Variants in DNAH6 observed in about 807,000 individuals in gnomAD.
DNAH6 encodes dynein axonemal heavy chain 6.
DNAH6 carries 340 observed loss-of-function variants against 491.4 expected under a neutral mutation model. The ratio of observed to expected loss-of-function variants is 0.69; its 90% CI spans 0.63 to 0.76. DNAH6 has a LOEUF of 0.76. DNAH6 is among the 30% of genes least tolerant of loss of function. DNAH6 has a pLI of 0.00. For missense variants in DNAH6, 4,443 were observed against 4,972.2 expected (o/e 0.89, Z 3.20); for synonymous variants, 1,603 against 1,686.1 (o/e 0.95, Z 1.21).
At chr2:84,589,661 A>G (rs546381757) in intron 16 of DNAH6, among the ~76,000 whole-genome samples, 165 of 150,606 alleles carry the variant, frequency 1.1e-3, no homozygotes, top group Non-Finnish European at 1.5e-3. Context: ...GCGGTGAGCC[A>G]AGATCGTGAC....
At chr2:84,743,868 C>A (rs1330781801) in intron 62 of DNAH6, among the ~76,000 whole-genome samples, 1 of 152,140 alleles carries the variant, frequency 6.6e-6, no homozygotes, top group Non-Finnish European at 1.5e-5. Flanking sequence ...TCTTCTAATG[C>A]ATATTTTATA....
At chr2:84,511,231 C>T in the DNAH6 span, among the ~76,000 whole-genome samples, 1 of 152,196 alleles carries the variant, frequency 6.6e-6, no homozygotes, top group African/African-American at 2.4e-5. Context: ...CCAGTTCGAG[C>T]TTCCTGGCTG....
At position 84,762,622 on chromosome 2, in the gene DNAH6, A is replaced by G. The variant is rs928104497; in HGVS notation, c.10513-133A>G. 7 of 626,156 alleles carry G rather than the reference A, an allele frequency of 1.1e-5. No individual in the cohort carries two copies. The South Asian group carries it at 1.4e-4, about 13-fold the overall frequency. The allele number at this position is 626,156 out of a possible 1,614,324, so 38.8% of individuals were successfully genotyped here. A position where few individuals can be genotyped will look rare whatever the true frequency, so the allele number is the denominator to read the frequency against. ...TCCACCAAACAATATCTATAAAAAG[A>G]TGTATACCCAATCAAGACAGAATAA... On this transcript the variant is annotated intron_variant, in intron 63 of 76. Coordinates refer to ENST00000389394, the MANE Select transcript of DNAH6 (RefSeq NM_001370.2).
chr2:84,547,483 A>G lies in DNAH6; in HGVS notation c.1066-9A>G. 6 of 1,551,594 alleles carry G rather than the reference A, an allele frequency of 3.9e-6. No homozygotes were observed. Among genetic ancestry groups the G allele is most frequent in the Non-Finnish European group, 4.4e-6 (5 of 1,146,902 alleles). The stretch of plus-strand genomic sequence containing the variant: ...GTATCACTAACTGTACATATTCAAC[A>G]ATATCTAGGTGACAGAACGCCTAGG... On this transcript the variant is annotated splice_polypyrimidine_tract_variant and intron_variant, in intron 6 of 76. Coordinates refer to ENST00000389394, the MANE Select transcript of DNAH6 (RefSeq NM_001370.2).
At chr2:84,801,968 T>C (rs973684550) in intron 70 of DNAH6, among the ~76,000 whole-genome samples, 3 of 151,648 alleles carry the variant, frequency 2.0e-5, no homozygotes, top group Non-Finnish European at 4.4e-5. Context: ...CTAAGCCTTA[T>C]AAACAAAAAA....
chr2:84,619,566 T>C, intron 23 of DNAH6, 119 bp from the exon 24 acceptor site: 3 of 857,896 alleles, frequency 3.5e-6, no homozygotes, highest in Non-Finnish European at 5.4e-6. Context: ...ACCAGTATAA[T>C]TGGAGGTCCA....
At chr2:84,780,432 A>T (rs890664415) in intron 64 of DNAH6, among the ~76,000 whole-genome samples, 3 of 152,134 alleles carry the variant, frequency 2.0e-5, no homozygotes, top group African/African-American at 7.2e-5. Context: ...TATGTTGTTA[A>T]TGCTTCCAAT....
Position 84,548,422 on chromosome 2 carries a change from G to A in DNAH6, c.1316+5G>A. The A allele has an allele frequency of 1.2e-6, 2 of 1,612,950 alleles. No homozygotes were observed. The highest frequency in any genetic ancestry group is 1.7e-6 in the Non-Finnish European group (2 of 1,179,760). On this transcript the variant is annotated splice_donor_5th_base_variant and intron_variant, in intron 8 of 76. Transcript: ENST00000389394. The stretch of plus-strand genomic sequence containing the variant: ...TTATTGCATGAGGCTGACGTGGTAA[G>A]ATTATTCTCATTTTCAAGAAAAATT...
intron 70 of DNAH6, among the ~76,000 whole-genome samples, chr2:84,805,149 A>G (rs1011424424): frequency 9.9e-5 from 15 of 152,242 alleles, no homozygotes; most frequent in Non-Finnish European, 2.2e-4. Context: ...GTACATTTAC[A>G]TTGTTGCTCA....
At chr2:84,752,766 A>G (rs1249862956) in intron 63 of DNAH6, among the ~76,000 whole-genome samples, 1 of 152,100 alleles carries the variant, frequency 6.6e-6, no homozygotes, top group Non-Finnish European at 1.5e-5. Context: ...TATTGCAAAT[A>G]ATATACTATT....
At chr2:84,578,332 G>A (rs1256281905) in intron 13 of DNAH6, among the ~76,000 whole-genome samples, 2 of 152,144 alleles carry the variant, frequency 1.3e-5, no homozygotes, top group East Asian at 3.9e-4. Context: ...ATTTCAACAA[G>A]CACTTTTTAG....
At chr2:84,509,981 G>A in the DNAH6 span, among the ~76,000 whole-genome samples, 4 of 152,154 alleles carry the variant, frequency 2.6e-5, no homozygotes, top group Admixed American at 6.5e-5. Context: ...TGCGTAACCC[G>A]ACCTTTCTCT....
In DNAH6 at chr2:84,599,265, C is replaced by T. The variant is rs116659997; in HGVS notation, c.2868+3476C>T. 7.8e-3 allele frequency among the ~76,000 whole-genome samples: 1,186 copies of T among 151,936 alleles called. 21 individuals are homozygous for T. The highest frequency in any genetic ancestry group is 0.027 in the African/African-American group (1,113 of 41,466). On this transcript the variant is annotated intron_variant, in intron 18 of 76. Transcript: ENST00000389394. Reference sequence around the variant, plus strand: ...TATGTAACTTGAAAATATTTTCTTCCAGTCAGTTGCTTGTCTTTTCAGTTC... The same window carrying T: ...TATGTAACTTGAAAATATTTTCTTCTAGTCAGTTGCTTGTCTTTTCAGTTC...
At chr2:84,479,201 C>T in the DNAH6 span, among the ~76,000 whole-genome samples, 16 of 152,316 alleles carry the variant, frequency 1.1e-4, no homozygotes, top group Admixed American at 9.2e-4. Context: ...GGGTTCAGGG[C>T]AGGTGGTTTT....
At chr2:84,522,527 A>G (rs1385174061) in intron 2 of DNAH6, among the ~76,000 whole-genome samples, 1 of 152,078 alleles carries the variant, frequency 6.6e-6, no homozygotes, top group Non-Finnish European at 1.5e-5. Context: ...AGGAGTGGTG[A>G]GAGAGGGCAT....
rs1687356518 is a variant in DNAH6 at position 84,621,147 on chromosome 2, A to T, written c.3793-44A>T. 1.9e-6 allele frequency: 3 copies of T among 1,543,096 alleles called. 1 individual carries two copies. In the Admixed American group the frequency reaches 5.9e-5, roughly 30 times the overall value. On this transcript the variant is annotated intron_variant, in intron 24 of 76. Transcript: ENST00000389394. ...AAATACAGAAGGCATACAGCTTACA[A>T]GTCCCACACAAGCCACTTTATCAAT...
At chr2:84,636,756 G>T (rs776646487) in intron 30 of DNAH6, among the ~76,000 whole-genome samples, 1 of 152,046 alleles carries the variant, frequency 6.6e-6, no homozygotes, top group South Asian at 2.1e-4. Context: ...GCGTGGTGGG[G>T]TGTGCCTGTG....
At chr2:84,517,707 G>A in intron 1 of DNAH6, 112 bp from the exon 2 acceptor site, 1 of 764,908 alleles carries the variant, frequency 1.3e-6, no homozygotes, top group Non-Finnish European at 2.1e-6. Flanking sequence ...TTTATTTGAG[G>A]GAAGTGAGCG....
intron 68 of DNAH6, 87 bp downstream of exon 68, chr2:84,787,389 C>G (rs1278349978): frequency 9.7e-7 from 1 of 1,026,660 alleles, no homozygotes; most frequent in Non-Finnish European, 1.4e-6. Context: ...AAGATGGTGT[C>G]CTCCCCCAGT....
Sources: gnomAD v4.1 joint callset for allele counts (sites outside exome capture counted in the v4.1 genomes callset) on GRCh38, gnomAD v4.1.1 for gene constraint, MANE v1.5 for transcripts, NCBI Gene and HGNC (gene_info 2026-07-23, HGNC 2026-07-21) for gene names.